DCAF7: variants seen among roughly 807,000 people sequenced by gnomAD.
DCAF7 encodes DDB1- and CUL4-associated factor 7.
In DCAF7, 4 loss-of-function variants were observed where a neutral mutation model predicts 41.2. The ratio of observed to expected loss-of-function variants is 0.10; its 90% CI spans 0.05 to 0.22. DCAF7 has a LOEUF of 0.22. Ranked by LOEUF, DCAF7 falls within the 10% of genes least tolerant of loss-of-function variation. The pLI, the probability that DCAF7 is intolerant of heterozygous loss-of-function variation, is 1.00. For synonymous variants in DCAF7, 143 were observed against 164.2 expected, an observed-to-expected ratio of 0.87 and a Z score of 0.99; for missense variants, 131 against 443.2, an observed-to-expected ratio of 0.30 and a Z score of 6.32.
intron 1 of DCAF7, among the ~76,000 whole-genome samples, chr17:63,576,882 C>T (rs1048042327): frequency 7.9e-5 from 12 of 152,304 alleles, no homozygotes; most frequent in Non-Finnish European, 1.2e-4. Context: ...CCACTGCACT[C>T]GAACCAGTGC....
At chr17:63,588,662 A>G (rs374173538) in intron 6 of DCAF7, among the ~76,000 whole-genome samples, 1 of 152,166 alleles carries the variant, frequency 6.6e-6, no homozygotes. Context: ...GTGGCTGCAA[A>G]TGACATGTTT....
At chr17:63,578,975 A>C (rs1043311092) in intron 2 of DCAF7, among the ~76,000 whole-genome samples, 5 of 152,158 alleles carry the variant, frequency 3.3e-5, no homozygotes, top group African/African-American at 1.2e-4. Context: ...GATTCTGATA[A>C]AGTGTGTGAG....
chr17:63,582,974 C>T (rs1201802677), intron 4 of DCAF7, among the ~76,000 whole-genome samples: 1 of 152,222 alleles, frequency 6.6e-6, no homozygotes. Flanking sequence ...ACAGGAACAT[C>T]TAGGCCTCCC....
At chr17:63,577,302 A>G (rs1248151907) in intron 1 of DCAF7, among the ~76,000 whole-genome samples, 2 of 152,234 alleles carry the variant, frequency 1.3e-5, no homozygotes, top group African/African-American at 4.8e-5. Context: ...AATGTCTGGA[A>G]GATACTGGTG....
chr17:63,575,616 A>G (rs374395566), intron 1 of DCAF7, among the ~76,000 whole-genome samples: 2 of 152,182 alleles, frequency 1.3e-5, no homozygotes, highest in South Asian at 2.1e-4. Context: ...TGAACATGGG[A>G]GGCAGAGGTT....
At chr17:63,569,282 T>G (rs2033478834) in intron 1 of DCAF7, among the ~76,000 whole-genome samples, 1 of 151,932 alleles carries the variant, frequency 6.6e-6, no homozygotes, top group Non-Finnish European at 1.5e-5. Context: ...TAGATTATTC[T>G]CCCAAAGATG....
chr17:63,565,141 A>G (rs1184300118), intron 1 of DCAF7, among the ~76,000 whole-genome samples: 1 of 152,188 alleles, frequency 6.6e-6, no homozygotes, highest in Non-Finnish European at 1.5e-5. Flanking sequence ...ATCTCTTAGA[A>G]AAAGAGAGAA....
At chr17:63,562,703 A>T (rs1440049529) in intron 1 of DCAF7, among the ~76,000 whole-genome samples, 1 of 106,754 alleles carries the variant, frequency 9.4e-6, no homozygotes, top group Admixed American at 1.3e-4. Flanking sequence ...CCCACCCCAC[A>T]ACAGTCCCCA....
chr17:63,557,291 A>G (rs1238165050), intron 1 of DCAF7, among the ~76,000 whole-genome samples: 3 of 152,206 alleles, frequency 2.0e-5, no homozygotes, highest in Non-Finnish European at 2.9e-5. Context: ...CTGGCAGAGC[A>G]CACAGGAAAG....
At chr17:63,565,014 T>C (rs563488102) in intron 1 of DCAF7, among the ~76,000 whole-genome samples, 1 of 152,370 alleles carries the variant, frequency 6.6e-6, no homozygotes, top group South Asian at 2.1e-4. Flanking sequence ...CTCATGCCTA[T>C]AATTCCCAGC....
intron 5 of DCAF7, 73 bp downstream of exon 5, chr17:63,583,784 T>A: frequency 6.7e-7 from 1 of 1,486,272 alleles, no homozygotes; most frequent in Non-Finnish European, 9.3e-7. Context: ...GAAGGCTGGT[T>A]CTCAACTGGA....
chr17:63,594,027 G>C lies in DCAF7; in HGVS notation c.*4855G>C, dbSNP rs1397259454. ...CTTTTATAAATATTTTCACAGGACT[G>C]ATTGTACACAGGGCTTGTAATAAAA... On this transcript the variant is annotated 3_prime_UTR_variant, in exon 7 of 7. Transcript: ENST00000614556. The C allele has an allele frequency of 2.6e-5, 4 of 152,662 alleles. No individual in the cohort carries two copies. Among genetic ancestry groups the C allele is most frequent in the Non-Finnish European group, 5.9e-5 (4 of 68,048 alleles). 9.5% of individuals were successfully genotyped at this position (152,662 alleles called of 1,614,324 possible).
At chr17:63,559,459 T>TATA (rs2033356921) in intron 1 of DCAF7, among the ~76,000 whole-genome samples, 1 of 131,160 alleles carries the variant, frequency 7.6e-6, no homozygotes, top group Non-Finnish European at 1.6e-5. Context: ...ATATATATAT[T>TATA]TTTAATAATT....
chr17:63,560,031 C>T (rs951581623), intron 1 of DCAF7, among the ~76,000 whole-genome samples: 5 of 152,034 alleles, frequency 3.3e-5, no homozygotes, highest in Non-Finnish European at 7.4e-5. Flanking sequence ...ATATAAAGAT[C>T]TGCAAATCAC....
chr17:63,555,483 C>T (rs755814816), intron 1 of DCAF7, among the ~76,000 whole-genome samples: 3 of 152,102 alleles, frequency 2.0e-5, no homozygotes, highest in African/African-American at 7.2e-5. Context: ...ATAATTATTT[C>T]GACTCCGGTA....
chr17:63,564,515 T>TG (rs1247717055), intron 1 of DCAF7, among the ~76,000 whole-genome samples: 1 of 151,874 alleles, frequency 6.6e-6, no homozygotes, highest in Non-Finnish European at 1.5e-5. Flanking sequence ...GTGAACTAAG[T>TG]GGGGAAAATG....
intron 1 of DCAF7, among the ~76,000 whole-genome samples, chr17:63,561,288 A>G (rs547010268): frequency 2.0e-5 from 3 of 152,110 alleles, no homozygotes; most frequent in Non-Finnish European, 4.4e-5. Context: ...GAAAAGTACA[A>G]CCGACTAAGA....
In DCAF7 at chr17:63,550,624, C is replaced by T; in HGVS notation, c.-54C>T. 8.1e-6 allele frequency: 13 copies of T among 1,597,684 alleles called. No individual in the cohort carries two copies. Among genetic ancestry groups the T allele is most frequent in the Non-Finnish European group, 1.1e-5 (13 of 1,170,578 alleles). On this transcript the variant is annotated 5_prime_UTR_variant, in exon 1 of 7. Transcript: ENST00000614556. This position sits in a 1 kb window ranked among gnomAD's most constrained non-coding sequence, Gnocchi z 4.8. ...ACCCATAGATCTCAGGCTCGGCTCC[C>T]CGCCCGCCGCAGCCCACTGTTGACC...
intron 1 of DCAF7, among the ~76,000 whole-genome samples, chr17:63,554,598 G>A (rs964371233): frequency 1.3e-5 from 2 of 152,204 alleles, no homozygotes; most frequent in African/African-American, 4.8e-5. Context: ...GTTTTGTATT[G>A]CCTTGGGCAA....
Sources: allele counts gnomAD v4.1 joint callset (sites outside exome capture counted in the v4.1 genomes callset), GRCh38; gene constraint gnomAD v4.1.1; non-coding constraint Gnocchi (gnomAD v3.1); transcripts MANE v1.5; gene names NCBI Gene and HGNC (gene_info 2026-07-23, HGNC 2026-07-21).